Variants in MAP2K2 observed in about 807,000 individuals in gnomAD.
The protein encoded by MAP2K2 is mitogen-activated protein kinase kinase 2, also known as dual specificity mitogen-activated protein kinase kinase 2.
Under a neutral mutation model 43.7 loss-of-function variants are expected in MAP2K2, and 24 were observed. The ratio of observed to expected loss-of-function variants is 0.55; its 90% confidence interval spans 0.40 to 0.77. The LOEUF (loss-of-function observed/expected upper bound fraction) is 0.77, where lower values mean the gene tolerates loss of function less well. Among genes scored for constraint, MAP2K2 ranks in the 30% least tolerant of loss-of-function variants. The pLI, the probability that MAP2K2 is intolerant of heterozygous loss-of-function variation, is 0.00. For missense variants in MAP2K2, 470 were observed against 566.8 expected, an observed-to-expected ratio of 0.83 and a Z score of 1.73; for synonymous variants, 244 against 239.7, an observed-to-expected ratio of 1.02 and a Z score of -0.17.
intron 8 of MAP2K2, 43 bp from the exon 9 acceptor site, chr19:4,095,492 C>T: frequency 2.0e-6 from 3 of 1,513,768 alleles, no homozygotes; most frequent in Non-Finnish European, 2.7e-6. Context: ...TGGGCATCGT[C>T]AGGGACCCTC....
intron 2 of MAP2K2, among the ~76,000 whole-genome samples, chr19:4,113,656 A>C (rs2041183592): frequency 6.6e-6 from 1 of 152,178 alleles, no homozygotes; most frequent in African/African-American, 2.4e-5. Context: ...GCCAGCTCTA[A>C]TAGCTGATTA....
chr19:4,096,719 G>A (rs1401772069), intron 8 of MAP2K2, among the ~76,000 whole-genome samples: 5 of 152,158 alleles, frequency 3.3e-5, no homozygotes, highest in Admixed American at 6.5e-5. Flanking sequence ...CCACGCCCAC[G>A]GGCGCCAGGA....
chr19:4,102,302 C>T lies in MAP2K2; in HGVS notation c.528+74G>A, dbSNP rs371276284. On this transcript the variant is annotated intron_variant, in intron 4 of 10. Coordinates refer to ENST00000262948, the MANE Select transcript of MAP2K2 (RefSeq NM_030662.4). Reference sequence around the variant, plus strand: ...CCCCCACCACACTGTGAGTGGCTCCCGGAACCCTGGCCGTGTGGAAGAGGT... The same window carrying T: ...CCCCCACCACACTGTGAGTGGCTCCTGGAACCCTGGCCGTGTGGAAGAGGT... 58 of 1,350,760 alleles carry T rather than the reference C, an allele frequency of 4.3e-5. 1 individual carries two copies. Among genetic ancestry groups the T allele is most frequent in the South Asian group, 1.1e-4 (9 of 80,274 alleles). 83.7% of individuals were successfully genotyped at this position (1,350,760 alleles called of 1,614,324 possible). A position where few individuals can be genotyped will look rare whatever the true frequency, so the allele number is the denominator to read the frequency against.
chr19:4,103,374 C>G (rs1568255626), intron 3 of MAP2K2: 2 of 509,338 alleles, frequency 3.9e-6, no homozygotes, highest in Non-Finnish European at 5.1e-6. Flanking sequence ...TGGGAGCCAC[C>G]CAAGGTGCCT....
rs533856549 is a variant in MAP2K2 at position 4,102,675 on chromosome 19, C to G, written c.451-222G>C. Reference sequence around the variant, plus strand: ...TGGGGAAGGAACAGGGCCCAGGGTTCCCCCGCCTCCCGTCCCATCCTCGAA... The same window carrying G: ...TGGGGAAGGAACAGGGCCCAGGGTTGCCCCGCCTCCCGTCCCATCCTCGAA... On this transcript the variant is annotated intron_variant, in intron 3 of 10. Coordinates refer to ENST00000262948, the MANE Select transcript of MAP2K2 (RefSeq NM_030662.4). The G allele has an allele frequency of 3.7e-5, 39 of 1,049,394 alleles. 2 individuals are homozygous for G. The highest frequency in any genetic ancestry group is 1.2e-4 in the Admixed American group (5 of 41,198). 65.0% of individuals were successfully genotyped at this position (1,049,394 alleles called of 1,614,324 possible). A position where few individuals can be genotyped will look rare whatever the true frequency, so the allele number is the denominator to read the frequency against.
intron 7 of MAP2K2, 41 bp downstream of exon 7, chr19:4,099,160 C>T: frequency 2.0e-6 from 3 of 1,536,284 alleles, no homozygotes; most frequent in African/African-American, 1.4e-5. Flanking sequence ...CCGCGCAGGG[C>T]ACTGCGCGTC....
intron 2 of MAP2K2, among the ~76,000 whole-genome samples, chr19:4,116,506 T>C (rs528588166): frequency 3.6e-4 from 54 of 148,068 alleles, no homozygotes; most frequent in Non-Finnish European, 6.7e-4. Flanking sequence ...CTCCAGCCAA[T>C]TCCTTAGAAT....
intron 8 of MAP2K2, among the ~76,000 whole-genome samples, chr19:4,096,692 C>T (rs188655908): frequency 1.2e-4 from 18 of 152,300 alleles, no homozygotes; most frequent in East Asian, 1.2e-3. Flanking sequence ...TCCGTGGAAG[C>T]GGGGTGATTT....
At chr19:4,091,736 C>A (rs943932268) in intron 10 of MAP2K2, among the ~76,000 whole-genome samples, 1 of 152,062 alleles carries the variant, frequency 6.6e-6, no homozygotes, top group African/African-American at 2.4e-5. Context: ...GTAACCTCTG[C>A]CTCCCAGGTT....
intron 6 of MAP2K2, chr19:4,099,913 A>G: frequency 5.1e-6 from 1 of 195,100 alleles, no homozygotes; most frequent in East Asian, 8.5e-5. Flanking sequence ...TAGGCTAGCC[A>G]ATATGGCGAG....
chr19:4,102,498 C>G (rs745572112), intron 3 of MAP2K2, 45 bp from the exon 4 acceptor site: 1 of 1,410,506 alleles, frequency 7.1e-7, no homozygotes, highest in South Asian at 1.2e-5. Context: ...CGCAGGTGGC[C>G]GGGAAGCCAC....
intron 7 of MAP2K2, among the ~76,000 whole-genome samples, chr19:4,098,641 C>T (rs1312812294): frequency 2.0e-4 from 30 of 152,176 alleles, no homozygotes; most frequent in Admixed American, 1.8e-3. Context: ...CCGAGGTGCC[C>T]GCCCTAAGTG....
At position 4,103,271 on chromosome 19, in the gene MAP2K2, A is replaced by G. The variant is rs1040384313; in HGVS notation, c.451-818T>C. The G allele has an allele frequency of 1.9e-5, 19 of 984,822 alleles. 1 individual carries two copies. In the Admixed American group the frequency reaches 2.5e-4, roughly 13 times the overall value. The allele number at this position is 984,822 out of a possible 1,614,324, so 61.0% of individuals were successfully genotyped here. A position where few individuals can be genotyped will look rare whatever the true frequency, so the allele number is the denominator to read the frequency against. ...CCGGGTGTGGCCCCACATCCATGTC[A>G]TAAATGATGAAACAGAAATTCCATG... On this transcript the variant is annotated intron_variant, in intron 3 of 10. Coordinates refer to ENST00000262948, the MANE Select transcript of MAP2K2 (RefSeq NM_030662.4).
chr19:4,116,107 C>T lies in MAP2K2; in HGVS notation c.303+1312G>A, dbSNP rs187564863. ...GAGACCACGGTGCCCAGTTGTCAAA[C>T]GCCAGTCTAGAGGTTGCTGGGAAGG... is the stretch of plus-strand genomic sequence containing the variant. On this transcript the variant is annotated intron_variant, in intron 2 of 10. Coordinates refer to ENST00000262948, the MANE Select transcript of MAP2K2 (RefSeq NM_030662.4). 3.1e-3 allele frequency among the ~76,000 whole-genome samples: 470 copies of T among 152,278 alleles called. 2 individuals are homozygous for T. Among genetic ancestry groups the T allele is most frequent in the African/African-American group, 0.01 (432 of 41,554 alleles).
rs1057520422 is a variant in MAP2K2, at chr19:4,123,922, T to G, written c.-47A>C. On this transcript the variant is annotated 5_prime_UTR_variant, in exon 1 of 11. An upstream start codon of the reference 5' UTR is lost. Transcript: ENST00000262948. Reference sequence around the variant, plus strand: ...CGGCGGCGCCTCTAGCCGGGGCCCATAGGGGGCGGGCCGGGAGCGGTCGGC... The same window carrying G: ...CGGCGGCGCCTCTAGCCGGGGCCCAGAGGGGGCGGGCCGGGAGCGGTCGGC... 8.4e-7 allele frequency: 1 copy of G among 1,195,298 alleles called. No individual in the cohort carries two copies. Among genetic ancestry groups the G allele is most frequent in the Non-Finnish European group, 1.1e-6 (1 of 931,846 alleles). 74.0% of individuals were successfully genotyped at this position (1,195,298 alleles called of 1,614,324 possible).
Position 4,101,405 on chromosome 19 carries a change from G to T in MAP2K2, c.529-125C>A. 1.9e-6 allele frequency: 2 copies of T among 1,033,810 alleles called. No individual in the cohort carries two copies. Among genetic ancestry groups the T allele is most frequent in the Non-Finnish European group, 3.0e-6 (2 of 677,580 alleles). 64.0% of individuals were successfully genotyped at this position (1,033,810 alleles called of 1,614,324 possible). On this transcript the variant is annotated intron_variant, in intron 4 of 10. Transcript: ENST00000262948. This position sits in a 1 kb window ranked among gnomAD's most constrained non-coding sequence, Gnocchi z 6.3. ...GGAGCTGCGGCAGGAACCATTTCAGGCTGTGAGGAGCTCGCTGGGGTGGAG... is the reference window on the plus strand; with the variant it reads ...GGAGCTGCGGCAGGAACCATTTCAGTCTGTGAGGAGCTCGCTGGGGTGGAG...
At chr19:4,093,763 C>T (rs900044089) in intron 10 of MAP2K2, among the ~76,000 whole-genome samples, 16 of 152,176 alleles carry the variant, frequency 1.1e-4, no homozygotes, top group Non-Finnish European at 1.9e-4. Flanking sequence ...CTGTAGCTGG[C>T]ATCTCTTCTT....
chr19:4,097,027 C>CAAA (rs11353017), intron 8 of MAP2K2, among the ~76,000 whole-genome samples: 21 of 130,590 alleles, frequency 1.6e-4, no homozygotes, highest in African/African-American at 5.9e-4. Flanking sequence ...GACAATGTCT[C>CAAA]AAAAAAAAAA....
chr19:4,122,934 A>T (rs1424541943), intron 1 of MAP2K2, among the ~76,000 whole-genome samples: 1 of 146,394 alleles, frequency 6.8e-6, no homozygotes, highest in Non-Finnish European at 1.5e-5. Flanking sequence ...TTACTCAGGG[A>T]CCCCTCACCC....
Sources: allele counts gnomAD v4.1 joint callset (sites outside exome capture counted in the v4.1 genomes callset), GRCh38; gene constraint gnomAD v4.1.1; non-coding constraint Gnocchi (gnomAD v3.1); transcripts MANE v1.5; gene names NCBI Gene and HGNC (gene_info 2026-07-23, HGNC 2026-07-21).